Variants in CAPZB observed in about 807,000 individuals in gnomAD.
CAPZB encodes F-actin-capping protein subunit beta.
Under a neutral mutation model 38.1 loss-of-function variants are expected in CAPZB, and 2 were observed. That is an observed-to-expected ratio of 0.05 (90% CI 0.02 to 0.17). The LOEUF is 0.17. Among genes scored for constraint, CAPZB ranks in the 10% least tolerant of loss-of-function variants. The pLI, the probability that CAPZB is intolerant of heterozygous loss-of-function variation, is 1.00. For synonymous variants in CAPZB, 107 were observed against 127.4 expected, an observed-to-expected ratio of 0.84 and a Z score of 1.08; for missense variants, 161 against 334.2, an observed-to-expected ratio of 0.48 and a Z score of 4.04.
At chr1:19,396,596 T>C (rs1342221700) in intron 2 of CAPZB, among the ~76,000 whole-genome samples, 1 of 152,128 alleles carries the variant, frequency 6.6e-6, no homozygotes, top group East Asian at 1.9e-4. Flanking sequence ...TGCTGTTCTC[T>C]TCCCGGACGG....
chr1:19,381,657 A>G (rs1338819685), intron 3 of CAPZB, among the ~76,000 whole-genome samples: 1 of 149,634 alleles, frequency 6.7e-6, no homozygotes, highest in African/African-American at 2.5e-5. Flanking sequence ...GTACAGGACC[A>G]TAGGCATGTA....
At chr1:19,448,692 T>C (rs1212071694) in intron 1 of CAPZB, 1 of 1,104,710 alleles carries the variant, frequency 9.1e-7, no homozygotes, top group Non-Finnish European at 1.3e-6. Flanking sequence ...CCAACACATT[T>C]CCTGGGGGTA....
rs2094630471 is a variant in CAPZB, at chr1:19,481,908, G to A, written c.3+3528C>T. ...ACCCCTCAACAATGTGAGCCATGAG[G>A]GCAGAGATCCTTGTCTTGCATCCTC... On this transcript the variant is annotated intron_variant, in intron 1 of 8. Coordinates refer to ENST00000264202, the MANE Select transcript of CAPZB (RefSeq NM_004930.5). Among the ~76,000 whole-genome samples the A allele has an allele frequency of 2.0e-5, 3 of 152,170 alleles. No individual in the cohort carries two copies. In the South Asian group the frequency reaches 6.2e-4, roughly 32 times the overall value.
At chr1:19,358,506 G>T (rs115873338) in intron 4 of CAPZB, among the ~76,000 whole-genome samples, 2 of 152,176 alleles carry the variant, frequency 1.3e-5, no homozygotes, top group Non-Finnish European at 2.9e-5. Context: ...AAGAGGGAAC[G>T]AAAAGGTTAG....
chr1:19,385,902 A>G (rs1275424645), intron 2 of CAPZB: 5 of 516,656 alleles, frequency 9.7e-6, no homozygotes, highest in Admixed American at 2.6e-5. Context: ...CCTGGTCACC[A>G]GGGTGGCCTA....
intron 4 of CAPZB, among the ~76,000 whole-genome samples, chr1:19,364,557 A>G (rs1397314314): frequency 3.9e-5 from 6 of 152,266 alleles, no homozygotes; most frequent in African/African-American, 1.4e-4. Context: ...GCTTACACCA[A>G]GATTTCTCTT....
chr1:19,348,530 A>C (rs1305984235), intron 6 of CAPZB, among the ~76,000 whole-genome samples: 1 of 151,870 alleles, frequency 6.6e-6, no homozygotes, highest in African/African-American at 2.4e-5. Context: ...GTGCTAGGGG[A>C]GACACAAGAG....
At chr1:19,423,825 G>A (rs1304269668) in intron 1 of CAPZB, among the ~76,000 whole-genome samples, 2 of 151,924 alleles carry the variant, frequency 1.3e-5, no homozygotes, top group African/African-American at 4.8e-5. Context: ...GTAGCTGGGG[G>A]GCCACCATGC....
At chr1:19,481,147 G>A (rs915915085) in intron 1 of CAPZB, among the ~76,000 whole-genome samples, 16 of 152,194 alleles carry the variant, frequency 1.1e-4, no homozygotes, top group African/African-American at 3.9e-4. Context: ...TACCTTGTCA[G>A]GCTGTGGTGA....
At chr1:19,476,168 G>GA (rs2094605666) in intron 1 of CAPZB, among the ~76,000 whole-genome samples, 1 of 33,114 alleles carries the variant, frequency 3.0e-5, no homozygotes, top group African/African-American at 3.9e-5. Context: ...TAAAAAATAA[G>GA]TAGATAGATA....
intron 1 of CAPZB, among the ~76,000 whole-genome samples, chr1:19,454,494 G>A (rs2094526910): frequency 6.6e-6 from 1 of 152,194 alleles, no homozygotes; most frequent in Non-Finnish European, 1.5e-5. Flanking sequence ...TCACTCCTGA[G>A]CGCTTAGAGT....
intron 1 of CAPZB, among the ~76,000 whole-genome samples, chr1:19,447,118 C>A (rs1558269602): frequency 6.6e-6 from 1 of 152,132 alleles, no homozygotes; most frequent in Non-Finnish European, 1.5e-5. Flanking sequence ...CCCATCCCAG[C>A]CCTCACTGGG....
chr1:19,418,731 C>T (rs952625308), intron 2 of CAPZB, among the ~76,000 whole-genome samples: 2 of 152,176 alleles, frequency 1.3e-5, no homozygotes, highest in African/African-American at 4.8e-5. Context: ...GAATGACATC[C>T]GTGCCTCTCC....
chr1:19,453,087 G>A (rs2094522004), intron 1 of CAPZB, among the ~76,000 whole-genome samples: 1 of 151,712 alleles, frequency 6.6e-6, no homozygotes, highest in South Asian at 2.1e-4. Context: ...TTAGAGGCGT[G>A]AGCCACCGTG....
chr1:19,463,588 C>A (rs1367815220), intron 1 of CAPZB, among the ~76,000 whole-genome samples: 1 of 152,204 alleles, frequency 6.6e-6, no homozygotes, highest in Non-Finnish European at 1.5e-5. Flanking sequence ...GCTGGAACTG[C>A]CCAGGGTGCC....
intron 1 of CAPZB, among the ~76,000 whole-genome samples, chr1:19,483,246 C>T (rs987280702): frequency 3.9e-5 from 6 of 152,188 alleles, no homozygotes; most frequent in African/African-American, 1.4e-4. Flanking sequence ...TTGAATATCC[C>T]ATTTTATGTT....
At chr1:19,400,217 G>A (rs1434596359) in intron 2 of CAPZB, among the ~76,000 whole-genome samples, 1 of 151,944 alleles carries the variant, frequency 6.6e-6, no homozygotes, top group East Asian at 1.9e-4. Context: ...GCTACCCATG[G>A]CACAGGTCTT....
At chr1:19,469,032 C>A (rs2094577734) in intron 1 of CAPZB, among the ~76,000 whole-genome samples, 1 of 152,202 alleles carries the variant, frequency 6.6e-6, no homozygotes, top group African/African-American at 2.4e-5. Context: ...ATAGCGACGG[C>A]AAGTACCTTT....
chr1:19,354,492 T>A (rs2094009490), intron 6 of CAPZB, among the ~76,000 whole-genome samples: 1 of 152,208 alleles, frequency 6.6e-6, no homozygotes, highest in African/African-American at 2.4e-5. Context: ...CTCAAATGAA[T>A]GATGTGGTGA....
Sources: gnomAD v4.1 joint callset for allele counts (sites outside exome capture counted in the v4.1 genomes callset) on GRCh38, gnomAD v4.1.1 for gene constraint, MANE v1.5 for transcripts, NCBI Gene and HGNC (gene_info 2026-07-23, HGNC 2026-07-21) for gene names.